Variants in STK17A observed in about 807,000 individuals in gnomAD.
The protein encoded by STK17A is serine/threonine-protein kinase 17A.
A neutral mutation model predicts 43.7 loss-of-function variants in STK17A; 26 were observed. That is an observed-to-expected ratio of 0.60 (90% CI 0.44 to 0.83). STK17A has a LOEUF of 0.83. Among genes scored for constraint, STK17A ranks in the 40% least tolerant of loss-of-function variants. The probability of loss-of-function intolerance (pLI) is 0.00; values close to 1 mark genes in which losing one functional copy is unlikely to be tolerated. For synonymous variants in STK17A, 191 were observed against 182.5 expected (o/e 1.05, Z -0.38); for missense variants, 476 against 511.6 (o/e 0.93, Z 0.67).
chr7:43,585,794 A>T (rs532237529), intron 1 of STK17A, among the ~76,000 whole-genome samples: 6 of 151,366 alleles, frequency 4.0e-5, no homozygotes, highest in African/African-American at 1.5e-4. Context: ...AGCTTAGGGG[A>T]AGCACTCAAT....
intron 2 of STK17A, among the ~76,000 whole-genome samples, chr7:43,599,591 G>A (rs1412771156): frequency 6.6e-6 from 1 of 152,170 alleles, no homozygotes; most frequent in Non-Finnish European, 1.5e-5. Context: ...ATCATATTGG[G>A]CCTCCCCAGT....
At chr7:43,594,978 A>G (rs1420989055) in intron 1 of STK17A, among the ~76,000 whole-genome samples, 4 of 152,082 alleles carry the variant, frequency 2.6e-5, no homozygotes, top group Admixed American at 2.0e-4. Context: ...ATAGGGTTCA[A>G]GCCCACATAG....
chr7:43,624,787 G>T lies in STK17A; in HGVS notation c.1190G>T (p.Arg397Leu), dbSNP rs781270039. The T allele has an allele frequency of 2.5e-6, 4 of 1,610,326 alleles. No individual in the cohort carries two copies. The highest frequency in any genetic ancestry group is 2.2e-5 in the South Asian group (2 of 90,400). ...EKMEQKAISK[R>L]FKFEEPLLQE... ...ATGGAGCAAAAGGCCATTTCCAAAC[G>T]ATTTAAATTTGAGGAACCTTTGCTA... The change falls in exon 7 of 7, where the codon CGA becomes CTA. Residue 397 changes from arginine to leucine, a missense_variant. Coordinates refer to ENST00000319357, the MANE Select transcript of STK17A (RefSeq NM_004760.3).
At chr7:43,613,354 A>C (rs2083054165) in intron 3 of STK17A, among the ~76,000 whole-genome samples, 1 of 152,182 alleles carries the variant, frequency 6.6e-6, no homozygotes, top group South Asian at 2.1e-4. Context: ...AGTAACCTAG[A>C]GATGATTTAA....
rs372837017 is a variant in STK17A at position 43,599,400 on chromosome 7, C to T, written c.419+3287C>T. Among the ~76,000 whole-genome samples the T allele has an allele frequency of 5.4e-4, 82 of 152,340 alleles. No individual in the cohort carries two copies. The South Asian group carries it at 0.015, about 28-fold the overall frequency. On this transcript the variant is annotated intron_variant, in intron 2 of 6. Transcript: ENST00000319357. ...AATTTTGTAAGTATATGTTGTCCAC[C>T]TGAAAGCCTGGTTATTGCTCAGCCA... is the stretch of plus-strand genomic sequence containing the variant.
At chr7:43,600,133 A>C (rs889097839) in intron 2 of STK17A, among the ~76,000 whole-genome samples, 1 of 152,212 alleles carries the variant, frequency 6.6e-6, no homozygotes, top group African/African-American at 2.4e-5. Context: ...AATCCAGTCA[A>C]GCCAACAACT....
intron 2 of STK17A, among the ~76,000 whole-genome samples, chr7:43,601,892 A>C (rs900652942): frequency 6.6e-6 from 1 of 152,002 alleles, no homozygotes; most frequent in Non-Finnish European, 1.5e-5. Context: ...CTAATCTCTT[A>C]TGTCCTTTTA....
At chr7:43,613,329 A>G (rs749673238) in intron 3 of STK17A, among the ~76,000 whole-genome samples, 45 of 152,218 alleles carry the variant, frequency 3.0e-4, no homozygotes, top group Non-Finnish European at 4.4e-4. Flanking sequence ...GTGTGGTATT[A>G]TAATAGCTAT....
At chr7:43,591,293 A>T (rs1028686655) in intron 1 of STK17A, among the ~76,000 whole-genome samples, 1 of 151,644 alleles carries the variant, frequency 6.6e-6, no homozygotes, top group African/African-American at 2.4e-5. Flanking sequence ...AAAAATTAGA[A>T]TAAGAGTAAT....
chr7:43,599,137 A>T (rs1231685303), intron 2 of STK17A, among the ~76,000 whole-genome samples: 26 of 152,262 alleles, frequency 1.7e-4, no homozygotes, highest in Admixed American at 1.7e-3. Context: ...CAAAATATTC[A>T]TAAAATGAAT....
intron 3 of STK17A, among the ~76,000 whole-genome samples, chr7:43,612,348 C>G (rs1423267872): frequency 6.6e-6 from 1 of 152,154 alleles, no homozygotes; most frequent in Non-Finnish European, 1.5e-5. Flanking sequence ...GGAGTGATTT[C>G]TACTAAAAGG....
chr7:43,595,407 A>AG (rs2082508579), intron 1 of STK17A, among the ~76,000 whole-genome samples: 1 of 151,362 alleles, frequency 6.6e-6, no homozygotes, highest in African/African-American at 2.4e-5. Context: ...CCTCCTGAGT[A>AG]GCTGGGATTA....
Position 43,596,038 on chromosome 7 carries a change from C to A in STK17A, c.344C>A (p.Ala115Glu), listed in dbSNP as rs775394314. ...CATGAGATTGCTGTACTTGAACTAG[C>A]ACAAGACAATCCTTGGGTCATTAAT... The part of the protein sequence containing the change: ...IIHEIAVLEL[A>E]QDNPWVINLH... Residue 115 changes from alanine to glutamate, a missense_variant, in exon 2 of 7, where the codon GCA becomes GAA. Ala to Glu is a moderately radical substitution (Grantham distance 107). Transcript: ENST00000319357. 1 of 1,613,838 alleles carries A rather than the reference C, an allele frequency of 6.2e-7. No individual in the cohort carries two copies. The highest frequency in any genetic ancestry group is 1.1e-5 in the South Asian group (1 of 91,076).
rs1433063094 is a variant in STK17A at position 43,619,672 on chromosome 7, T to C, written c.640T>C (p.Leu214=). ...KIVDFGLSRI[L]KNSEELREIM... ...TGTTGATTTTGGCCTTTCAAGAATA[T>C]TGAAGAACAGTGAAGAGCTCCGAGA... Residue 214 remains leucine, a synonymous_variant, in exon 4 of 7, where the codon TTG becomes CTG. Coordinates refer to ENST00000319357, the MANE Select transcript of STK17A (RefSeq NM_004760.3). 5.0e-6 allele frequency: 8 copies of C among 1,614,152 alleles called. No homozygotes were observed. Among genetic ancestry groups the C allele is most frequent in the East Asian group, 2.2e-5 (1 of 44,874 alleles).
intron 2 of STK17A, 63 bp downstream of exon 2, chr7:43,596,176 A>G: frequency 6.9e-7 from 1 of 1,456,596 alleles, no homozygotes; most frequent in South Asian, 1.3e-5. Context: ...ACGGAATGCC[A>G]CTCATCTGTG....
At chr7:43,618,297 T>A (rs1225347573) in intron 3 of STK17A, among the ~76,000 whole-genome samples, 1 of 152,030 alleles carries the variant, frequency 6.6e-6, no homozygotes, top group Admixed American at 6.6e-5. Flanking sequence ...CCATCATGCA[T>A]GGAATGAGGG....
Position 43,608,248 on chromosome 7 carries a change from T to C in STK17A, c.420-8T>C. 3.1e-6 allele frequency: 5 copies of C among 1,603,610 alleles called. No individual in the cohort carries two copies. The highest frequency in any genetic ancestry group is 4.2e-6 in the Non-Finnish European group (5 of 1,177,174). ...GTTATATATTACTTTAATTTTGCCC[T>C]TCTCTAGTGCTGCTGGGGGTGAAAT... On this transcript the variant is annotated splice_region_variant and splice_polypyrimidine_tract_variant and intron_variant, in intron 2 of 6. Coordinates refer to ENST00000319357, the MANE Select transcript of STK17A (RefSeq NM_004760.3).
intron 2 of STK17A, among the ~76,000 whole-genome samples, chr7:43,598,863 A>T (rs1473708860): frequency 1.3e-5 from 2 of 149,890 alleles, no homozygotes; most frequent in African/African-American, 4.9e-5. Context: ...TCCCAGTTCA[A>T]GCAATTCTCC....
chr7:43,587,142 T>C (rs35564694), intron 1 of STK17A, among the ~76,000 whole-genome samples: 11,689 of 140,626 alleles, frequency 0.083, 830 homozygotes, highest in Admixed American at 0.15. Flanking sequence ...TGATATGTTT[T>C]TATTGTTTTT....
Sources: allele counts gnomAD v4.1 joint callset (sites outside exome capture counted in the v4.1 genomes callset), GRCh38; gene constraint gnomAD v4.1.1; transcripts MANE v1.5; gene names NCBI Gene and HGNC (gene_info 2026-07-23, HGNC 2026-07-21).